The following PTPRN2 variants were observed in gnomAD, a reference collection of about 807,000 sequenced individuals.
The protein encoded by PTPRN2 is protein tyrosine phosphatase receptor type N2.
In PTPRN2, 74 loss-of-function variants were observed where a neutral mutation model predicts 118.8. The observed-to-expected ratio is 0.62, with a 90% CI of 0.52 to 0.76. The LOEUF (loss-of-function observed/expected upper bound fraction) is 0.76, where lower values mean the gene tolerates loss of function less well. Among genes scored for constraint, PTPRN2 ranks in the 30% least tolerant of loss-of-function variants. PTPRN2 has a pLI of 0.00. For synonymous variants in PTPRN2, 641 were observed against 608.0 expected, an observed-to-expected ratio of 1.05 and a Z score of -0.80; for missense variants, 1,481 against 1,394.4, an observed-to-expected ratio of 1.06 and a Z score of -0.99.
intron 12 of PTPRN2, among the ~76,000 whole-genome samples, chr7:157,728,598 C>T (rs974499792): frequency 2.0e-5 from 3 of 152,180 alleles, no homozygotes; most frequent in African/African-American, 7.2e-5. Context: ...TTAACTTATC[C>T]ACAGAAAGGC....
chr7:158,545,872 G>A (rs571521934), intron 1 of PTPRN2, among the ~76,000 whole-genome samples: 103 of 152,214 alleles, frequency 6.8e-4, no homozygotes, highest in African/African-American at 2.3e-3. Context: ...GGTGGCACGC[G>A]CCTGTAGTCC....
chr7:158,131,434 AACAT>A (rs1391416576), intron 9 of PTPRN2, among the ~76,000 whole-genome samples: 1 of 112,154 alleles, frequency 8.9e-6, no homozygotes, highest in East Asian at 2.9e-4. Context: ...CACACACACG[AACAT>A]ACAAACTGAA....
rs1803994507 is a variant in PTPRN2, at chr7:157,632,033, G to A, written c.2197-10524C>T. On this transcript the variant is annotated intron_variant, in intron 14 of 22. Transcript: ENST00000389418. The surrounding 1 kb of genome is among the most constrained non-coding windows in gnomAD (Gnocchi z 4.3). ...GAAAGGAAGGTTAACTCTTTGCAAA[G>A]TGGTGTGTTAAGAGGACATGAAAAC... Among the ~76,000 whole-genome samples the A allele has an allele frequency of 6.6e-6, 1 of 152,204 alleles. No homozygotes were observed. The highest frequency in any genetic ancestry group is 2.1e-4 in the South Asian group (1 of 4,826).
chr7:158,381,153 A>G (rs1477816295), intron 2 of PTPRN2, among the ~76,000 whole-genome samples: 2 of 152,238 alleles, frequency 1.3e-5, no homozygotes, highest in Non-Finnish European at 1.5e-5. Context: ...AGGGATTCAC[A>G]TTTGGCTCCT....
chr7:157,686,084 G>A (rs1429601545), intron 12 of PTPRN2, among the ~76,000 whole-genome samples: 1 of 152,230 alleles, frequency 6.6e-6, no homozygotes, highest in African/African-American at 2.4e-5. Context: ...GGCGAGGAGG[G>A]TCTTACTGCA....
At chr7:158,543,922 G>A (rs1395492020) in intron 1 of PTPRN2, among the ~76,000 whole-genome samples, 1 of 152,230 alleles carries the variant, frequency 6.6e-6, no homozygotes, top group Non-Finnish European at 1.5e-5. Context: ...CAACCCTCAA[G>A]AAGCAGCTCC....
At chr7:157,982,720 T>C (rs1310105767) in intron 11 of PTPRN2, among the ~76,000 whole-genome samples, 40 of 70,612 alleles carry the variant, frequency 5.7e-4, no homozygotes, top group Admixed American at 1.4e-3. Flanking sequence ...GGTTCCCCCC[T>C]AAACCCCGAG....
intron 14 of PTPRN2, among the ~76,000 whole-genome samples, chr7:157,653,839 A>C (rs373340590): frequency 2.1e-3 from 106 of 49,844 alleles, no homozygotes; most frequent in Non-Finnish European, 2.4e-3. Flanking sequence ...GACGCCCGCC[A>C]CTCCCCACAC....
intron 9 of PTPRN2, among the ~76,000 whole-genome samples, chr7:158,130,664 TACAC>T (rs369655224): frequency 9.3e-5 from 12 of 129,182 alleles, no homozygotes; most frequent in Non-Finnish European, 1.8e-4. Flanking sequence ...ACCTGACTCA[TACAC>T]ACACACGTAC....
intron 2 of PTPRN2, among the ~76,000 whole-genome samples, chr7:158,323,126 A>C (rs902994653): frequency 4.6e-5 from 7 of 152,196 alleles, no homozygotes; most frequent in Admixed American, 1.3e-4. Context: ...AACAGGAAGG[A>C]AGGCAGGCTT....
At chr7:158,138,594 G>T (rs1407446282) in intron 6 of PTPRN2, 79 bp from the exon 7 acceptor site, 6 of 1,398,808 alleles carry the variant, frequency 4.3e-6, no homozygotes, top group Non-Finnish European at 5.9e-6. Context: ...ATAGGGGTGT[G>T]GTGGGCGTCT....
At position 157,598,325 on chromosome 7, in the gene PTPRN2, G is replaced by A. The variant is rs1415750329; in HGVS notation, c.2419-3010C>T. The stretch of plus-strand genomic sequence containing the variant: ...TTATTTGTATGACTGTTATGTTCCC[G>A]ACACAAACTGCCCGGCTGTGGGAAA... On this transcript the variant is annotated intron_variant, in intron 16 of 22. Coordinates refer to ENST00000389418, the MANE Select transcript of PTPRN2 (RefSeq NM_002847.5). The surrounding 1 kb of genome is among the most constrained non-coding windows in gnomAD (Gnocchi z 5.2). 2.6e-5 allele frequency among the ~76,000 whole-genome samples: 4 copies of A among 152,126 alleles called. No homozygotes were observed. The highest frequency in any genetic ancestry group is 4.8e-5 in the African/African-American group (2 of 41,424).
At chr7:158,251,900 G>C (rs1325979686) in intron 3 of PTPRN2, among the ~76,000 whole-genome samples, 1 of 152,140 alleles carries the variant, frequency 6.6e-6, no homozygotes, top group African/African-American at 2.4e-5. Flanking sequence ...CCTGTGACTT[G>C]AAGCCTCCAT....
intron 11 of PTPRN2, among the ~76,000 whole-genome samples, chr7:157,935,344 C>T (rs1380410737): frequency 6.6e-6 from 1 of 152,174 alleles, no homozygotes; most frequent in Admixed American, 6.5e-5. Context: ...TTTTCTCTGT[C>T]CTTCAGATGC....
chr7:158,114,960 C>T (rs563083788), intron 9 of PTPRN2, among the ~76,000 whole-genome samples: 1 of 152,236 alleles, frequency 6.6e-6, no homozygotes, highest in African/African-American at 2.4e-5. Context: ...ATGGGTGCTC[C>T]TCACCCATTA....
chr7:158,354,819 C>T (rs866973281), intron 2 of PTPRN2, among the ~76,000 whole-genome samples: 3 of 152,140 alleles, frequency 2.0e-5, no homozygotes, highest in East Asian at 3.8e-4. Context: ...TAACCAGATT[C>T]GGGAAAGTCA....
chr7:157,588,813 C>G (rs1053375322), intron 17 of PTPRN2, among the ~76,000 whole-genome samples: 2 of 152,132 alleles, frequency 1.3e-5, no homozygotes, highest in South Asian at 4.2e-4. Context: ...AAGAGACACC[C>G]TGGCACTACA....
rs1318466104 is a variant in PTPRN2, at chr7:157,669,687, CAT to C, written c.2001+13036_2001+13037del. 3.2e-5 allele frequency: 12 copies of C among 371,192 alleles called. No individual in the cohort carries two copies. In the East Asian group the frequency reaches 7.5e-4, roughly 23 times the overall value. The allele number at this position is 371,192 out of a possible 1,614,324, so 23.0% of individuals were successfully genotyped here. Reference sequence around the variant, plus strand: ...TCAAAACAAAAATTAAAGATATAGACATGTTTCATGTAAGTGAAAAATAATTT... The same window carrying C: ...TCAAAACAAAAATTAAAGATATAGACGTTTCATGTAAGTGAAAAATAATTT... On this transcript the variant is annotated intron_variant, in intron 13 of 22. Coordinates refer to ENST00000389418, the MANE Select transcript of PTPRN2 (RefSeq NM_002847.5).
intron 14 of PTPRN2, among the ~76,000 whole-genome samples, chr7:157,645,881 G>A (rs1805037229): frequency 6.6e-6 from 1 of 152,176 alleles, no homozygotes. Context: ...TTGCTTGCTG[G>A]GACACAGTCC....
Sources: gnomAD v4.1 joint callset for allele counts (sites outside exome capture counted in the v4.1 genomes callset) on GRCh38, gnomAD v4.1.1 for gene constraint, Gnocchi (gnomAD v3.1) non-coding constraint, MANE v1.5 for transcripts, NCBI Gene and HGNC (gene_info 2026-07-23, HGNC 2026-07-21) for gene names.